Variants in C1GALT1 observed in about 807,000 individuals in gnomAD.
C1GALT1 encodes glycoprotein-N-acetylgalactosamine 3-beta-galactosyltransferase 1.
In C1GALT1, 11 loss-of-function variants were observed where a neutral mutation model predicts 31.0. The ratio of observed to expected loss-of-function variants is 0.36; its 90% CI spans 0.22 to 0.59. The LOEUF is 0.59. Ranked by LOEUF, C1GALT1 falls within the 20% of genes least tolerant of loss-of-function variation. The probability of loss-of-function intolerance (pLI) is 0.79; values close to 1 mark genes in which losing one functional copy is unlikely to be tolerated. For synonymous variants in C1GALT1, 175 were observed against 143.6 expected, an observed-to-expected ratio of 1.22 and a Z score of -1.56; for missense variants, 424 against 425.2, an observed-to-expected ratio of 1.00 and a Z score of 0.03.
intron 1 of C1GALT1, among the ~76,000 whole-genome samples, chr7:7,221,002 G>T (rs897404126): frequency 3.3e-5 from 5 of 152,160 alleles, no homozygotes; most frequent in African/African-American, 1.2e-4. Flanking sequence ...CTGAAAGTTT[G>T]CAGGATGGCT....
chr7:7,227,373 A>G (rs984342179), intron 1 of C1GALT1, among the ~76,000 whole-genome samples: 59 of 152,296 alleles, frequency 3.9e-4, no homozygotes, highest in African/African-American at 1.4e-3. Flanking sequence ...TTAATCCATT[A>G]ATGGGTTAAT....
intron 1 of C1GALT1, among the ~76,000 whole-genome samples, chr7:7,200,456 G>T (rs2347890): frequency 0.03 from 4,453 of 148,974 alleles, 135 homozygotes; most frequent in African/African-American, 0.079. Context: ...TGACCTTTCA[G>T]TCTGACAATT....
At chr7:7,242,800 T>C (rs1460811978) in intron 3 of C1GALT1, among the ~76,000 whole-genome samples, 1 of 152,126 alleles carries the variant, frequency 6.6e-6, no homozygotes, top group Non-Finnish European at 1.5e-5. Flanking sequence ...AAATCTGACC[T>C]ACCTTAGGGC....
Position 7,239,159 on chromosome 7 carries a change from G to A in C1GALT1, c.888+237G>A, listed in dbSNP as rs568821726. ...TATGCCAGGCACTGAGAATGTAGAAGTAAATCACAGCCAATTTCCAGTTCT... is the reference window on the plus strand; with the variant it reads ...TATGCCAGGCACTGAGAATGTAGAAATAAATCACAGCCAATTTCCAGTTCT... On this transcript the variant is annotated intron_variant, in intron 3 of 3. Coordinates refer to ENST00000436587, the MANE Select transcript of C1GALT1 (RefSeq NM_020156.5). Among the ~76,000 whole-genome samples, 7 of 152,316 alleles carry A rather than the reference G, an allele frequency of 4.6e-5. No individual in the cohort carries two copies. The South Asian group carries it at 1.5e-3, about 32-fold the overall frequency.
At chr7:7,239,699 T>G (rs942376227) in intron 3 of C1GALT1, among the ~76,000 whole-genome samples, 4 of 152,170 alleles carry the variant, frequency 2.6e-5, no homozygotes, top group Admixed American at 6.5e-5. Flanking sequence ...TTAGGAAGTA[T>G]TCCAGTAGTA....
At chr7:7,169,224 T>C (rs1335542571) in intron 2 of C1GALT1, among the ~76,000 whole-genome samples, 1 of 152,222 alleles carries the variant, frequency 6.6e-6, no homozygotes, top group Non-Finnish European at 1.5e-5. Flanking sequence ...TCCCACTGTA[T>C]GTGTATAAAA....
chr7:7,182,692 A>C lies in C1GALT1; in HGVS notation c.-146A>C, dbSNP rs1215100880. On this transcript the variant is annotated 5_prime_UTR_variant, in exon 1 of 4. Coordinates refer to ENST00000436587, the MANE Select transcript of C1GALT1 (RefSeq NM_020156.5). ...GCTGCCGGGGAATAATCTGGGCGGC[A>C]GCGGGCGGCCTCGGCTAGCGGCCAC... The C allele has an allele frequency of 5.2e-6, 3 of 581,668 alleles. No individual in the cohort carries two copies. The highest frequency in any genetic ancestry group is 2.0e-5 in the African/African-American group (1 of 49,434). The allele number at this position is 581,668 out of a possible 1,614,324, so 36.0% of individuals were successfully genotyped here. A position where few individuals can be genotyped will look rare whatever the true frequency, so the allele number is the denominator to read the frequency against.
At chr7:7,221,410 G>T (rs558818799) in intron 1 of C1GALT1, among the ~76,000 whole-genome samples, 4 of 152,058 alleles carry the variant, frequency 2.6e-5, no homozygotes, top group Non-Finnish European at 4.4e-5. Flanking sequence ...TATTAATGGT[G>T]GTATGTTGTT....
upstream of C1GALT1, among the ~76,000 whole-genome samples, chr7:7,179,833 C>G (rs1345204505): frequency 2.7e-5 from 4 of 148,684 alleles, no homozygotes; most frequent in Admixed American, 2.7e-4. Flanking sequence ...TGTTCTACCT[C>G]CAGTATCATG....
At chr7:7,169,764 T>C (rs971093599) in intron 2 of C1GALT1, among the ~76,000 whole-genome samples, 1 of 152,216 alleles carries the variant, frequency 6.6e-6, no homozygotes, top group South Asian at 2.1e-4. Flanking sequence ...AGTTTGCTAG[T>C]GCTTTGTTGA....
chr7:7,196,104 T>G (rs530037061), intron 1 of C1GALT1, among the ~76,000 whole-genome samples: 15 of 152,328 alleles, frequency 9.8e-5, no homozygotes, highest in Admixed American at 7.2e-4. Flanking sequence ...AGGGTACATG[T>G]GCACAACGTG....
At chr7:7,193,015 C>T (rs1198327461) in intron 1 of C1GALT1, among the ~76,000 whole-genome samples, 2 of 151,524 alleles carry the variant, frequency 1.3e-5, no homozygotes, top group African/African-American at 4.9e-5. Context: ...TGTTTTTTTT[C>T]TTGCTGATTT....
chr7:7,158,552 A>G (rs1042654049), intron 2 of C1GALT1, among the ~76,000 whole-genome samples: 11 of 151,108 alleles, frequency 7.3e-5, no homozygotes, highest in African/African-American at 1.7e-4. Flanking sequence ...TTTTCATTAT[A>G]TTTTACATAT....
At chr7:7,165,955 G>T (rs920967737) in intron 2 of C1GALT1, among the ~76,000 whole-genome samples, 4 of 151,970 alleles carry the variant, frequency 2.6e-5, no homozygotes, top group Admixed American at 2.6e-4. Context: ...TTTAGACTTG[G>T]GTCCCATCCC....
intron 1 of C1GALT1, among the ~76,000 whole-genome samples, chr7:7,214,467 T>G (rs1782140025): frequency 6.6e-6 from 1 of 152,174 alleles, no homozygotes; most frequent in Non-Finnish European, 1.5e-5. Context: ...TACCTATAAC[T>G]TGAATATCCA....
intron 1 of C1GALT1, among the ~76,000 whole-genome samples, chr7:7,200,432 C>G (rs1172805434): frequency 1.3e-5 from 2 of 151,872 alleles, no homozygotes; most frequent in East Asian, 3.9e-4. Flanking sequence ...ATTGGCTTCC[C>G]TTTGTGAGTA....
chr7:7,163,621 C>T (rs903045113), intron 2 of C1GALT1, among the ~76,000 whole-genome samples: 1 of 151,706 alleles, frequency 6.6e-6, no homozygotes, highest in South Asian at 2.1e-4. Flanking sequence ...AGCAAAGTCT[C>T]AGGATACAAA....
At chr7:7,175,481 T>C (rs1780495877) in intron 2 of C1GALT1, among the ~76,000 whole-genome samples, 1 of 152,244 alleles carries the variant, frequency 6.6e-6, no homozygotes. Flanking sequence ...TTTGAATATT[T>C]TAATTTCCCA....
intron 1 of C1GALT1, among the ~76,000 whole-genome samples, chr7:7,227,146 C>T (rs1782802053): frequency 6.6e-6 from 1 of 152,014 alleles, no homozygotes; most frequent in Non-Finnish European, 1.5e-5. Flanking sequence ...TTTTTAGATT[C>T]CTTTATTTCC....
Sources: allele counts gnomAD v4.1 joint callset (sites outside exome capture counted in the v4.1 genomes callset), GRCh38; gene constraint gnomAD v4.1.1; transcripts MANE v1.5; gene names NCBI Gene and HGNC (gene_info 2026-07-23, HGNC 2026-07-21).